Variants in ANKRD49 observed in about 807,000 individuals in gnomAD.
ANKRD49 encodes ankyrin repeat domain-containing protein 49.
A neutral mutation model predicts 19.6 loss-of-function variants in ANKRD49; 18 were observed. The ratio of observed to expected loss-of-function variants is 0.92; its 90% CI spans 0.63 to 1.36. The LOEUF (loss-of-function observed/expected upper bound fraction) is 1.36. Among genes scored for constraint, ANKRD49 ranks in the 40% most tolerant of loss-of-function variants. The probability of loss-of-function intolerance (pLI) is 0.00; values close to 1 mark genes in which losing one functional copy is unlikely to be tolerated. For missense variants in ANKRD49, 218 were observed against 281.6 expected (o/e 0.77, Z 1.62); for synonymous variants, 88 against 101.8 (o/e 0.86, Z 0.82).
At chr11:94,495,613 T>C (rs139394576) in intron 1 of ANKRD49, among the ~76,000 whole-genome samples, 4 of 152,334 alleles carry the variant, frequency 2.6e-5, no homozygotes, top group South Asian at 2.1e-4. Context: ...ATTCTCCTTT[T>C]CTTTAATTGA....
Position 94,498,032 on chromosome 11 carries a change from TTTGAG to T in ANKRD49, c.259-29_259-25del, listed in dbSNP as rs568000570. The T allele has an allele frequency of 7.2e-4, 1,066 of 1,473,000 alleles. 8 individuals are homozygous for T. In the Middle Eastern group the frequency reaches 9.8e-3, roughly 14 times the overall value. 91.2% of individuals were successfully genotyped at this position (1,473,000 alleles called of 1,614,324 possible). On this transcript the variant is annotated intron_variant, in intron 2 of 2. Transcript: ENST00000544612. ...AATTTTGTTTTAGTTATTGTTTTGG[TTTGAG>T]TTGAGTTGAAAGATTTCTTTTTTTT... is the stretch of plus-strand genomic sequence containing the variant.
intron 1 of ANKRD49, among the ~76,000 whole-genome samples, chr11:94,494,961 T>G (rs36225559): frequency 0.01 from 1,578 of 152,280 alleles, 14 homozygotes; most frequent in Non-Finnish European, 0.018. Context: ...AAGTGGAAGC[T>G]CCAGGAGAAT....
chr11:94,496,668 C>T lies in ANKRD49; in HGVS notation c.-26C>T. 6.5e-7 allele frequency: 1 copy of T among 1,530,638 alleles called. No homozygotes were observed. The highest frequency in any genetic ancestry group is 8.8e-7 in the Non-Finnish European group (1 of 1,142,318). 94.8% of individuals were successfully genotyped at this position (1,530,638 alleles called of 1,614,324 possible). A position where few individuals can be genotyped will look rare whatever the true frequency, so the allele number is the denominator to read the frequency against. ...GATTTATATCCTGGCATTTGAAATG[C>T]TTTTTATTTAGAATAGTAGTAAAAA... On this transcript the variant is annotated 5_prime_UTR_variant, in exon 2 of 3. Transcript: ENST00000544612.
chr11:94,497,127 TG>T, intron 2 of ANKRD49, 176 bp downstream of exon 2: 1 of 804,530 alleles, frequency 1.2e-6, no homozygotes, highest in Non-Finnish European at 2.0e-6. Context: ...AGGTATTATT[TG>T]GGGGTTTAAG....
chr11:94,497,265 C>G, intron 2 of ANKRD49: 1 of 487,406 alleles, frequency 2.1e-6, no homozygotes, highest in Non-Finnish European at 3.6e-6. Flanking sequence ...ATACCAGGTA[C>G]CTTATTACAT....
In ANKRD49 at chr11:94,496,644, AT is replaced by A. The variant is rs763399574; in HGVS notation, c.-47del. ...GCAGTCATAATTCATCTCTAGAAAGATTTATATCCTGGCATTTGAAATGCTT... is the reference window on the plus strand; with the variant it reads ...GCAGTCATAATTCATCTCTAGAAAGATTATATCCTGGCATTTGAAATGCTT... On this transcript the variant is annotated 5_prime_UTR_variant, in exon 2 of 3. Transcript: ENST00000544612. The A allele has an allele frequency of 6.8e-7, 1 of 1,472,190 alleles. No homozygotes were observed. Among genetic ancestry groups the A allele is most frequent in the South Asian group, 1.4e-5 (1 of 73,658 alleles). 91.2% of individuals were successfully genotyped at this position (1,472,190 alleles called of 1,614,324 possible). A position where few individuals can be genotyped will look rare whatever the true frequency, so the allele number is the denominator to read the frequency against.
At chr11:94,496,459 T>G (rs1369780777) in intron 1 of ANKRD49, 145 bp from the exon 2 acceptor site, 1 of 362,472 alleles carries the variant, frequency 2.8e-6, no homozygotes, top group East Asian at 4.3e-5. Context: ...TCTGTCAGCA[T>G]CAGTATTTAG....
rs764256646 is a variant in ANKRD49, at chr11:94,496,833, G to C, written c.140G>C (p.Gly47Ala). 2 of 1,613,960 alleles carry C rather than the reference G, an allele frequency of 1.2e-6. No homozygotes were observed. Among genetic ancestry groups the C allele is most frequent in the Admixed American group, 3.3e-5 (2 of 60,006 alleles). Residue 47 changes from glycine to alanine, a missense_variant, in exon 2 of 3, where the codon GGC (glycine) becomes GCC (alanine). Transcript: ENST00000544612. ...IPTGTQSLWV[G>A]NSDEDEEQDD... The stretch of plus-strand genomic sequence containing the variant: ...ACTGGTACTCAAAGTCTTTGGGTAG[G>C]CAATTCTGATGAAGATGAGGAGCAA...
At chr11:94,497,863 A>G (rs117168338) in intron 2 of ANKRD49, 8,219 of 497,132 alleles carry the variant, frequency 0.017, 87 homozygotes, top group Non-Finnish European at 0.023. Context: ...TAGAAGCAAC[A>G]AAGTGTAGTT....
In ANKRD49 at chr11:94,498,462, G is replaced by A. The variant is rs1947449956; in HGVS notation, c.650G>A (p.Arg217Lys). The change falls in exon 3 of 3, where the codon AGG becomes AAG. Residue 217 changes from arginine to lysine, a missense_variant. Physicochemically the swap from Arg to Lys is conservative, Grantham distance 26. Transcript: ENST00000544612. Reference sequence around the variant, plus strand: ...GAAGAAACTGCATTTGATATTGCCAGGAGGACAAGTATCTATCACTACCTC... The same window carrying A: ...GAAGAAACTGCATTTGATATTGCCAAGAGGACAAGTATCTATCACTACCTC... Reference protein sequence around the residue: ...NLEETAFDIARRTSIYHYLFE... With the variant: ...NLEETAFDIAKRTSIYHYLFE... The A allele has an allele frequency of 1.9e-6, 3 of 1,613,820 alleles. No homozygotes were observed. Among genetic ancestry groups the A allele is most frequent in the Non-Finnish European group, 1.7e-6 (2 of 1,179,864 alleles).
chr11:94,498,040 G>C, intron 2 of ANKRD49, 31 bp from the exon 3 acceptor site: 1 of 1,504,282 alleles, frequency 6.6e-7, no homozygotes, highest in Non-Finnish European at 8.9e-7. Flanking sequence ...GGTTTGAGTT[G>C]AGTTGAAAGA....
intron 1 of ANKRD49, among the ~76,000 whole-genome samples, chr11:94,495,640 G>A (rs1342853647): frequency 2.0e-5 from 3 of 152,270 alleles, no homozygotes; most frequent in South Asian, 4.1e-4. Context: ...TTTATATGTT[G>A]TGTAACCCTT....
intron 1 of ANKRD49, 105 bp from the exon 2 acceptor site, chr11:94,496,497 CAA>C (rs891340887): frequency 1.8e-5 from 9 of 507,618 alleles, no homozygotes; most frequent in African/African-American, 7.7e-5. Context: ...ATGAGAAAAA[CAA>C]GAGTTTAGAC....
chr11:94,494,003 G>A lies in ANKRD49; in HGVS notation c.-123G>A, dbSNP rs1424427212. The A allele has an allele frequency of 6.6e-6, 1 of 152,378 alleles. No individual in the cohort carries two copies. Among genetic ancestry groups the A allele is most frequent in the African/African-American group, 2.4e-5 (1 of 41,472 alleles). The allele number at this position is 152,378 out of a possible 1,614,324, so 9.4% of individuals were successfully genotyped here. On this transcript the variant is annotated 5_prime_UTR_variant, in exon 1 of 3. Coordinates refer to ENST00000544612, the MANE Select transcript of ANKRD49 (RefSeq NM_017704.3). ...CAGGCTAGGAGACGAACCCGGAAGT[G>A]AGATGCAAGGCGGCGATTTTCCCTT...
Position 94,498,864 on chromosome 11 carries a change from G to T in ANKRD49, c.*332G>T, listed in dbSNP as rs1947454821. 1 of 265,432 alleles carries T rather than the reference G, an allele frequency of 3.8e-6. No individual in the cohort carries two copies. The highest frequency in any genetic ancestry group is 7.2e-6 in the Non-Finnish European group (1 of 139,272). The allele number at this position is 265,432 out of a possible 1,614,324, so 16.4% of individuals were successfully genotyped here. A position where few individuals can be genotyped will look rare whatever the true frequency, so the allele number is the denominator to read the frequency against. On this transcript the variant is annotated 3_prime_UTR_variant, in exon 3 of 3. Coordinates refer to ENST00000544612, the MANE Select transcript of ANKRD49 (RefSeq NM_017704.3). ...GTATTTTTAAATATCCCACATCCTG[G>T]ATCTTTGTTGGGTATTTAGTATATT...
In ANKRD49 at chr11:94,498,112, C is replaced by T. The variant is rs768908734; in HGVS notation, c.300C>T (p.His100=). ...GACTCCTTTCTGAAAAGGCCACTCA[C>T]GTGAACACTAGGGATGAAGATGAGT... ...VRRLLSEKAT[H]VNTRDEDEYT... is the part of the protein sequence containing the mutation. The change falls in exon 3 of 3, where the codon CAC becomes CAT. Residue 100 remains histidine (H), a synonymous_variant. Transcript: ENST00000544612. 2.8e-5 allele frequency: 45 copies of T among 1,613,698 alleles called. No individual in the cohort carries two copies. In the East Asian group the frequency reaches 8.5e-4, roughly 30 times the overall value.
At position 94,496,845 on chromosome 11, in the gene ANKRD49, A is replaced by C. The variant is rs1591735881; in HGVS notation, c.152A>C (p.Glu51Ala). 1.2e-6 allele frequency: 2 copies of C among 1,613,924 alleles called. No individual in the cohort carries two copies. Among genetic ancestry groups the C allele is most frequent in the African/African-American group, 2.7e-5 (2 of 74,906 alleles). The change falls in exon 2 of 3, where the codon GAA (glutamate) becomes GCA (alanine). Residue 51 changes from glutamate (E) to alanine (A), a missense_variant. Physicochemically the swap from Glu to Ala is moderately radical, Grantham distance 107 (BLOSUM62 -1). Transcript: ENST00000544612. ...TQSLWVGNSD[E>A]DEEQDDKNEE... ...AGTCTTTGGGTAGGCAATTCTGATG[A>C]AGATGAGGAGCAAGATGACAAAAAT...
chr11:94,495,491 T>A (rs1591734771), intron 1 of ANKRD49, among the ~76,000 whole-genome samples: 1 of 152,034 alleles, frequency 6.6e-6, no homozygotes, highest in African/African-American at 2.4e-5. Flanking sequence ...AATGAGAGGA[T>A]CAAGAAAGAA....
At chr11:94,495,502 T>G (rs150908546) in intron 1 of ANKRD49, among the ~76,000 whole-genome samples, 14 of 152,256 alleles carry the variant, frequency 9.2e-5, no homozygotes, top group African/African-American at 2.9e-4. Context: ...CAAGAAAGAA[T>G]GAAAGAGATA....
Sources: gnomAD v4.1 joint callset for allele counts (sites outside exome capture counted in the v4.1 genomes callset) on GRCh38, gnomAD v4.1.1 for gene constraint, MANE v1.5 for transcripts, NCBI Gene and HGNC (gene_info 2026-07-23, HGNC 2026-07-21) for gene names.